RALYL: variants seen among roughly 807,000 people sequenced by gnomAD.
The protein encoded by RALYL is RALY RNA binding protein like.
A neutral mutation model predicts 35.1 loss-of-function variants in RALYL; 29 were observed. The ratio of observed to expected loss-of-function variants is 0.83; its 90% confidence interval spans 0.61 to 1.13. The LOEUF (loss-of-function observed/expected upper bound fraction) is 1.13. Among genes scored for constraint, RALYL ranks in the 50% most tolerant of loss-of-function variants. The probability of loss-of-function intolerance (pLI) is 0.00; values close to 1 mark genes in which losing one functional copy is unlikely to be tolerated. For synonymous variants in RALYL, 120 were observed against 127.6 expected, an observed-to-expected ratio of 0.94 and a Z score of 0.40; for missense variants, 359 against 360.4, an observed-to-expected ratio of 1.00 and a Z score of 0.03.
chr8:84,241,563 G>A (rs186749076), intron 1 of RALYL, among the ~76,000 whole-genome samples: 1 of 151,884 alleles, frequency 6.6e-6, no homozygotes, highest in Admixed American at 6.6e-5. Context: ...AGATCACGAG[G>A]TCAAGAGTTC....
At chr8:84,219,079 TA>T (rs1350475258) in intron 1 of RALYL, among the ~76,000 whole-genome samples, 1 of 151,918 alleles carries the variant, frequency 6.6e-6, no homozygotes, top group African/African-American at 2.4e-5. Context: ...TGAACTAAAA[TA>T]AAAAAATACG....
At chr8:84,526,042 C>T (rs1419656959) in intron 1 of RALYL, among the ~76,000 whole-genome samples, 3 of 148,452 alleles carry the variant, frequency 2.0e-5, no homozygotes, top group African/African-American at 7.5e-5. Context: ...ACCTCTGACT[C>T]CCAACTTCAA....
At chr8:84,451,106 C>T (rs908156487) in intron 1 of RALYL, among the ~76,000 whole-genome samples, 4 of 151,912 alleles carry the variant, frequency 2.6e-5, no homozygotes, top group African/African-American at 9.7e-5. Flanking sequence ...ATAAGATTAA[C>T]TCTAGCCAAA....
chr8:84,732,083 A>G (rs761967032), intron 2 of RALYL, among the ~76,000 whole-genome samples: 4 of 152,130 alleles, frequency 2.6e-5, no homozygotes, highest in African/African-American at 4.8e-5. Context: ...TTCCTCTTCT[A>G]TAGATTCTTA....
intron 8 of RALYL, among the ~76,000 whole-genome samples, chr8:84,902,708 T>C (rs1845898443): frequency 6.6e-6 from 1 of 152,138 alleles, no homozygotes; most frequent in South Asian, 2.1e-4. Flanking sequence ...GATTCAGTTA[T>C]TTGGGTTTCA....
intron 4 of RALYL, among the ~76,000 whole-genome samples, chr8:84,835,579 A>G (rs1453512941): frequency 6.8e-6 from 1 of 146,944 alleles, no homozygotes; most frequent in African/African-American, 2.5e-5. Context: ...GCTACTCGGG[A>G]GGCTGAGACA....
chr8:84,356,455 A>G (rs530331405), intron 1 of RALYL, among the ~76,000 whole-genome samples: 25 of 150,566 alleles, frequency 1.7e-4, no homozygotes, highest in Non-Finnish European at 3.5e-4. Context: ...TCATTGCTAC[A>G]TTGCTACAAA....
chr8:84,269,355 A>C (rs1833882692), intron 1 of RALYL, among the ~76,000 whole-genome samples: 1 of 152,200 alleles, frequency 6.6e-6, no homozygotes, highest in Non-Finnish European at 1.5e-5. Context: ...TCTTAGTGGG[A>C]GTGATTGACA....
At chr8:84,394,879 G>A (rs1343935381) in intron 1 of RALYL, among the ~76,000 whole-genome samples, 1 of 151,684 alleles carries the variant, frequency 6.6e-6, no homozygotes, top group African/African-American at 2.4e-5. Flanking sequence ...CTCAGGGGTG[G>A]CATTTTCTCA....
At chr8:84,370,568 G>A (rs892562990) in intron 1 of RALYL, among the ~76,000 whole-genome samples, 11 of 151,946 alleles carry the variant, frequency 7.2e-5, no homozygotes, top group Middle Eastern at 3.2e-3. Flanking sequence ...TGTTAGAATG[G>A]TAAGAGTCAG....
At chr8:84,911,730 C>T (rs1237302334) in intron 8 of RALYL, among the ~76,000 whole-genome samples, 2 of 152,086 alleles carry the variant, frequency 1.3e-5, no homozygotes, top group African/African-American at 2.4e-5. Context: ...TGTGCTCTGC[C>T]CTACTGGCTA....
At chr8:84,881,271 T>A (rs1356639550) in intron 7 of RALYL, among the ~76,000 whole-genome samples, 2 of 152,138 alleles carry the variant, frequency 1.3e-5, no homozygotes, top group East Asian at 3.9e-4. Context: ...TGAGTTAAAT[T>A]AATACTATAT....
At chr8:84,413,469 C>A (rs1189468272) in intron 1 of RALYL, among the ~76,000 whole-genome samples, 1 of 151,704 alleles carries the variant, frequency 6.6e-6, no homozygotes, top group Non-Finnish European at 1.5e-5. Flanking sequence ...TACCCAAATT[C>A]TATATATTTA....
At chr8:84,324,593 G>GTT (rs200673760) in intron 1 of RALYL, among the ~76,000 whole-genome samples, 1 of 149,770 alleles carries the variant, frequency 6.7e-6, no homozygotes, top group East Asian at 1.9e-4. Flanking sequence ...AAATAGTTGT[G>GTT]TTTTTTTTTG....
At position 84,854,363 on chromosome 8, in the gene RALYL, AG is replaced by A. The variant is rs1202459604; in HGVS notation, c.413+4338del. ...CCGTCTAAAAAAAAGAAAAAGAAAA[AG>A]GAAGAAAAAGAAAAAAAAATAATGG... On this transcript the variant is annotated intron_variant, in intron 5 of 8. Transcript: ENST00000521268. 1.6e-4 allele frequency among the ~76,000 whole-genome samples: 13 copies of A among 79,794 alleles called. No individual in the cohort carries two copies. The East Asian group carries it at 0.013, about 81-fold the overall frequency. 52.3% of individuals were successfully genotyped at this position (79,794 alleles called of 152,430 possible).
chr8:84,619,909 T>G (rs1820887671), intron 2 of RALYL, among the ~76,000 whole-genome samples: 1 of 151,344 alleles, frequency 6.6e-6, no homozygotes, highest in South Asian at 2.1e-4. Context: ...TTTAAGAATG[T>G]TGAATATTGG....
At chr8:84,216,954 G>T (rs1374425208) in intron 1 of RALYL, among the ~76,000 whole-genome samples, 4 of 152,074 alleles carry the variant, frequency 2.6e-5, no homozygotes. Context: ...AGTATGCTCT[G>T]TTCCTTTCCT....
At position 84,466,096 on chromosome 8, in the gene RALYL, A is replaced by G. The variant is rs1587526913; in HGVS notation, c.-23-63203A>G. Among the ~76,000 whole-genome samples, 3 of 98,728 alleles carry G rather than the reference A, an allele frequency of 3.0e-5. 1 individual carries two copies. In the East Asian group the frequency reaches 7.5e-4, roughly 25 times the overall value. The allele number at this position is 98,728 out of a possible 152,430, so 64.8% of individuals were successfully genotyped here. A position where few individuals can be genotyped will look rare whatever the true frequency, so the allele number is the denominator to read the frequency against. ...AATCATGTCATCTGCAAACAGGGAC[A>G]ATTTGACTTCCTCTTTTCCTAATAG... is the stretch of plus-strand genomic sequence containing the variant. On this transcript the variant is annotated intron_variant, in intron 1 of 8. Coordinates refer to ENST00000521268, the MANE Select transcript of RALYL (RefSeq NM_173848.7).
intron 1 of RALYL, among the ~76,000 whole-genome samples, chr8:84,388,056 T>C (rs1409509949): frequency 2.0e-5 from 3 of 152,094 alleles, no homozygotes; most frequent in African/African-American, 2.4e-5. Context: ...TGTGATCTCA[T>C]TGTTCAATTC....
Sources: gnomAD v4.1 joint callset for allele counts (sites outside exome capture counted in the v4.1 genomes callset) on GRCh38, gnomAD v4.1.1 for gene constraint, MANE v1.5 for transcripts, NCBI Gene and HGNC (gene_info 2026-07-23, HGNC 2026-07-21) for gene names.